NKAP: variants seen among roughly 807,000 people sequenced by gnomAD.
The protein encoded by NKAP is NFKB activating protein, also known as NF-kappa-B-activating protein.
A neutral mutation model predicts 35.6 loss-of-function variants in NKAP; 4 were observed. The ratio of observed to expected loss-of-function variants is 0.11; its 90% CI spans 0.06 to 0.26. NKAP has a LOEUF of 0.26. Among genes scored for constraint, NKAP ranks in the 10% least tolerant of loss-of-function variants. The pLI, the probability that NKAP is intolerant of heterozygous loss-of-function variation, is 1.00. For synonymous variants in NKAP, 106 were observed against 119.2 expected, an observed-to-expected ratio of 0.89 and a Z score of 0.72; for missense variants, 238 against 321.9, an observed-to-expected ratio of 0.74 and a Z score of 1.99.
intron 5 of NKAP, among the ~76,000 whole-genome samples, chrX:119,934,059 C>A (rs1452643498): frequency 9.0e-6 from 1 of 111,706 alleles, no homozygotes; most frequent in Non-Finnish European, 1.9e-5. Flanking sequence ...GCAGATACTG[C>A]CCATGAGTTG....
At chrX:119,942,658 G>A (rs980266503) in intron 1 of NKAP, among the ~76,000 whole-genome samples, 1 of 111,205 alleles carries the variant, frequency 9.0e-6, no homozygotes, top group African/African-American at 3.3e-5. Flanking sequence ...GCATCTAATC[G>A]TCTTGTCTGA....
chrX:119,926,404 G>A lies in NKAP; in HGVS notation c.1074-1010C>T, dbSNP rs1296216466. Reference sequence around the variant, plus strand: ...GCCTCAGCCTCCCGAGTAGCCGGGAGTACAGGTGTGTGCCACCACGCCCGA... The same window carrying A: ...GCCTCAGCCTCCCGAGTAGCCGGGAATACAGGTGTGTGCCACCACGCCCGA... On this transcript the variant is annotated intron_variant, in intron 8 of 8. Coordinates refer to ENST00000371410, the MANE Select transcript of NKAP (RefSeq NM_024528.4). 2.7e-5 allele frequency among the ~76,000 whole-genome samples: 3 copies of A among 109,526 alleles called. No homozygotes were observed. The East Asian group carries it at 8.8e-4, about 32-fold the overall frequency.
intron 1 of NKAP, 177 bp downstream of exon 1, chrX:119,943,043 G>A (rs1259177648): frequency 3.9e-5 from 23 of 589,028 alleles, no homozygotes; most frequent in Non-Finnish European, 5.7e-5. Context: ...CTGAGGGTAA[G>A]GGAAAATGAA....
At chrX:119,929,165 G>A (rs778581120) in intron 8 of NKAP, among the ~76,000 whole-genome samples, 27 of 111,775 alleles carry the variant, frequency 2.4e-4, no homozygotes, top group African/African-American at 8.1e-4. Context: ...CAAAGTGCTG[G>A]GATTACAGGC....
At position 119,921,796 on chromosome X, in the gene NKAP, T is replaced by C. The variant is rs2056689034; in HGVS notation, c.*3424A>G. ...GAAAATAAGATAATCATTTCATCTC[T>C]AGGAACCAGTAACCAAAAAAAAAAT... On this transcript the variant is annotated 3_prime_UTR_variant, in exon 9 of 9. Coordinates refer to ENST00000371410, the MANE Select transcript of NKAP (RefSeq NM_024528.4). 9.0e-6 allele frequency: 1 copy of C among 111,099 alleles called. No homozygotes were observed. The allele number at this position is 111,099 out of a possible 1,213,427, so 9.2% of individuals were successfully genotyped here.
chrX:119,943,085 T>G, intron 1 of NKAP, 135 bp downstream of exon 1: 1 of 851,048 alleles, frequency 1.2e-6, no homozygotes. Context: ...GTGGGTGGAT[T>G]AAAGAAAGGG....
intron 5 of NKAP, among the ~76,000 whole-genome samples, chrX:119,933,944 A>AAAAAC (rs1264669409): frequency 9.0e-6 from 1 of 111,540 alleles, no homozygotes; most frequent in African/African-American, 3.3e-5. Context: ...TCATCTCAAA[A>AAAAAC]AAAACAAAAC....
chrX:119,938,886 G>T, intron 1 of NKAP, 76 bp from the exon 2 acceptor site: 1 of 737,843 alleles, frequency 1.4e-6, no homozygotes, highest in Non-Finnish European at 2.0e-6. Context: ...TTCAATAGGA[G>T]TCTAGTTAAG....
In NKAP at chrX:119,923,563, A is replaced by G. The variant is rs999371214; in HGVS notation, c.*1657T>C. On this transcript the variant is annotated 3_prime_UTR_variant, in exon 9 of 9. Transcript: ENST00000371410. Reference sequence around the variant, plus strand: ...TTCTTTTGGATGTTATCCTATCCTCAAGCTCATATCAGCTCAGATTGAAAT... The same window carrying G: ...TTCTTTTGGATGTTATCCTATCCTCGAGCTCATATCAGCTCAGATTGAAAT... 2.7e-5 allele frequency: 3 copies of G among 112,545 alleles called. No homozygotes were observed. The highest frequency in any genetic ancestry group is 5.6e-5 in the Non-Finnish European group (3 of 53,281). 9.3% of individuals were successfully genotyped at this position (112,545 alleles called of 1,213,427 possible). A position where few individuals can be genotyped will look rare whatever the true frequency, so the allele number is the denominator to read the frequency against.
chrX:119,921,480 AAG>A lies in NKAP; in HGVS notation c.*3738_*3739del, dbSNP rs2056687678. On this transcript the variant is annotated 3_prime_UTR_variant, in exon 9 of 9. Coordinates refer to ENST00000371410, the MANE Select transcript of NKAP (RefSeq NM_024528.4). Reference sequence around the variant, plus strand: ...TTAGATATTTGTGCAATAAATAAAAAAGGAGGGAAAACCACATCAGAGCAATA... The same window carrying A: ...TTAGATATTTGTGCAATAAATAAAAAGAGGGAAAACCACATCAGAGCAATA... 1 of 106,793 alleles carries A rather than the reference AAG, an allele frequency of 9.4e-6. No homozygotes were observed. The highest frequency in any genetic ancestry group is 3.4e-5 in the African/African-American group (1 of 29,392). The allele number at this position is 106,793 out of a possible 1,213,427, so 8.8% of individuals were successfully genotyped here.
intron 1 of NKAP, 184 bp downstream of exon 1, chrX:119,943,036 A>G (rs960077751): frequency 1.9e-6 from 1 of 535,899 alleles, no homozygotes; most frequent in East Asian, 3.6e-5. Context: ...AAGGGGCCTG[A>G]GGGTAAGGGA....
At chrX:119,942,042 G>A (rs1036920298) in intron 1 of NKAP, among the ~76,000 whole-genome samples, 1 of 112,168 alleles carries the variant, frequency 8.9e-6, no homozygotes, top group Admixed American at 9.5e-5. Context: ...AGTTATTTAC[G>A]TGCACTTATA....
At chrX:119,931,837 GTAGAAATAAGGGAA>G in intron 7 of NKAP, 85 bp downstream of exon 7, 3 of 660,551 alleles carry the variant, frequency 4.5e-6, no homozygotes, top group Non-Finnish European at 7.1e-6. Flanking sequence ...GGAACCTGGA[GTAGAAATAAGGGAA>G]TAGAGTCAGA....
In NKAP at chrX:119,941,833, T is replaced by C. The variant is rs1055597267; in HGVS notation, c.386+1387A>G. 4.5e-5 allele frequency among the ~76,000 whole-genome samples: 5 copies of C among 111,555 alleles called. No individual in the cohort carries two copies. The Admixed American group carries it at 4.8e-4, about 11-fold the overall frequency. ...TTGTAGAGACAGGGTATCCCTATAT[T>C]GCCTAGGCTGGTCTTGAACTCCTGG... On this transcript the variant is annotated intron_variant, in intron 1 of 8. Transcript: ENST00000371410.
At chrX:119,940,322 T>TA (rs1204917030) in intron 1 of NKAP, among the ~76,000 whole-genome samples, 2 of 91,211 alleles carry the variant, frequency 2.2e-5, no homozygotes, top group Admixed American at 1.4e-4. Flanking sequence ...GCCTGGGTGA[T>TA]AGAGTGAGAC....
intron 5 of NKAP, among the ~76,000 whole-genome samples, chrX:119,933,735 T>A (rs1312856512): frequency 9.0e-6 from 1 of 110,593 alleles, no homozygotes; most frequent in African/African-American, 3.3e-5. Flanking sequence ...CCCAGGCTGG[T>A]ATTGAACTCC....
At chrX:119,941,587 C>T (rs1274118399) in intron 1 of NKAP, among the ~76,000 whole-genome samples, 1 of 111,340 alleles carries the variant, frequency 9.0e-6, no homozygotes, top group Non-Finnish European at 1.9e-5. Flanking sequence ...TGGAGTTTGT[C>T]CTTTTCCTTT....
intron 1 of NKAP, among the ~76,000 whole-genome samples, chrX:119,940,787 T>C (rs1004794078): frequency 8.9e-6 from 1 of 112,093 alleles, no homozygotes; most frequent in Non-Finnish European, 1.9e-5. Flanking sequence ...ACTTGGAATG[T>C]ATGGATATCG....
chrX:119,930,632 A>G (rs1603379819), intron 7 of NKAP, among the ~76,000 whole-genome samples: 1 of 110,774 alleles, frequency 9.0e-6, no homozygotes, highest in Admixed American at 9.7e-5. Flanking sequence ...CAGCCTGGCC[A>G]ACATAGCGAA....
Sources: gnomAD v4.1 joint callset for allele counts (sites outside exome capture counted in the v4.1 genomes callset) on GRCh38, gnomAD v4.1.1 for gene constraint, MANE v1.5 for transcripts, NCBI Gene and HGNC (gene_info 2026-07-23, HGNC 2026-07-21) for gene names.